The following CACNA2D3 variants were observed in gnomAD, a reference collection of about 807,000 sequenced individuals.
CACNA2D3 encodes the protein voltage-dependent calcium channel subunit alpha-2/delta-3.
A neutral mutation model predicts 160.6 loss-of-function variants in CACNA2D3; 60 were observed. The ratio of observed to expected loss-of-function variants is 0.37; its 90% CI spans 0.30 to 0.46. The LOEUF is 0.46. Among genes scored for constraint, CACNA2D3 ranks in the 20% least tolerant of loss-of-function variants. The pLI, the probability that CACNA2D3 is intolerant of heterozygous loss-of-function variation, is 1.00. For synonymous variants in CACNA2D3, 558 were observed against 492.9 expected (o/e 1.13, Z -1.75); for missense variants, 1,205 against 1,365.0 (o/e 0.88, Z 1.85).
intron 2 of CACNA2D3, among the ~76,000 whole-genome samples, chr3:54,265,661 A>G (rs13076858): frequency 0.13 from 8,841 of 68,368 alleles, 603 homozygotes; most frequent in African/African-American, 0.32. Flanking sequence ...TATATAGTGT[A>G]TATATATAGT....
intron 13 of CACNA2D3, among the ~76,000 whole-genome samples, chr3:54,802,085 G>A (rs1703003094): frequency 6.6e-6 from 1 of 152,104 alleles, no homozygotes; most frequent in South Asian, 2.1e-4. Context: ...CCCCCTGCAG[G>A]GTTATCTCTC....
At chr3:54,609,523 C>T (rs560096857) in intron 9 of CACNA2D3, among the ~76,000 whole-genome samples, 1 of 152,300 alleles carries the variant, frequency 6.6e-6, no homozygotes, top group East Asian at 1.9e-4. Context: ...TCATAGCATG[C>T]TTCTCCTTTT....
At chr3:54,842,127 A>G (rs1698832841) in intron 16 of CACNA2D3, among the ~76,000 whole-genome samples, 1 of 152,258 alleles carries the variant, frequency 6.6e-6, no homozygotes. Flanking sequence ...AATGTGTTGT[A>G]TTTTGAGATG....
In CACNA2D3 at chr3:54,918,560, A is replaced by G. The variant is rs1575371763; in HGVS notation, c.2449+18692A>G. ...TGGTACTGGGCTGTGATTGCCGCAT[A>G]GGTGCAGCCATAGATGGCAGCTGCC... On this transcript the variant is annotated intron_variant, in intron 27 of 37. Coordinates refer to ENST00000474759, the MANE Select transcript of CACNA2D3 (RefSeq NM_018398.3). 1.9e-6 allele frequency: 3 copies of G among 1,614,036 alleles called. No individual in the cohort carries two copies. The East Asian group carries it at 6.7e-5, about 36-fold the overall frequency.
chr3:54,944,782 C>T (rs1289941246), intron 27 of CACNA2D3, among the ~76,000 whole-genome samples: 1 of 151,810 alleles, frequency 6.6e-6, no homozygotes, highest in Non-Finnish European at 1.5e-5. Flanking sequence ...CTTCTTTTAT[C>T]TCTGAATATA....
chr3:54,702,968 A>T lies in CACNA2D3; in HGVS notation c.1168-49631A>T, dbSNP rs192500176. 2.3e-3 allele frequency among the ~76,000 whole-genome samples: 348 copies of T among 152,302 alleles called. 1 individual carries two copies. Among genetic ancestry groups the T allele is most frequent in the Admixed American group, 4.1e-3 (63 of 15,296 alleles). ...TGGAAGCCATTATCCTAAGCAAATT[A>T]ATATAGGAACAGAAAACCAAATCCT... is the stretch of plus-strand genomic sequence containing the variant. On this transcript the variant is annotated intron_variant, in intron 11 of 37. Coordinates refer to ENST00000474759, the MANE Select transcript of CACNA2D3 (RefSeq NM_018398.3).
chr3:54,502,631 T>C (rs1185300804), intron 4 of CACNA2D3, among the ~76,000 whole-genome samples: 1 of 152,214 alleles, frequency 6.6e-6, no homozygotes, highest in Admixed American at 6.5e-5. Context: ...ATACAGTAGA[T>C]TTAAGGACAG....
At chr3:54,709,664 C>T (rs1230381107) in intron 11 of CACNA2D3, among the ~76,000 whole-genome samples, 2 of 152,174 alleles carry the variant, frequency 1.3e-5, no homozygotes, top group African/African-American at 4.8e-5. Context: ...GTGGCTCACA[C>T]CTGTCATCAC....
At chr3:54,538,476 C>CA (rs1701922505) in intron 5 of CACNA2D3, among the ~76,000 whole-genome samples, 1 of 152,186 alleles carries the variant, frequency 6.6e-6, no homozygotes, top group South Asian at 2.1e-4. Flanking sequence ...TAAGAGAAGA[C>CA]AGAGAGCACC....
intron 9 of CACNA2D3, among the ~76,000 whole-genome samples, chr3:54,599,652 C>G (rs1703026962): frequency 6.6e-6 from 1 of 152,282 alleles, no homozygotes. Context: ...GGTGGTCTTT[C>G]ACATGCAGAT....
chr3:54,133,175 A>G (rs1232690465), intron 2 of CACNA2D3, among the ~76,000 whole-genome samples: 1 of 152,146 alleles, frequency 6.6e-6, no homozygotes, highest in African/African-American at 2.4e-5. Context: ...TAATAATAAT[A>G]ATGATGCAGG....
At chr3:54,613,809 C>T (rs997353730) in intron 9 of CACNA2D3, among the ~76,000 whole-genome samples, 2 of 152,282 alleles carry the variant, frequency 1.3e-5, no homozygotes, top group African/African-American at 4.8e-5. Context: ...TTTCCTCCTA[C>T]CCCGGAGCCT....
At chr3:55,041,719 T>G (rs1703964904) in intron 35 of CACNA2D3, among the ~76,000 whole-genome samples, 1 of 152,088 alleles carries the variant, frequency 6.6e-6, no homozygotes, top group African/African-American at 2.4e-5. Flanking sequence ...TGGGTTTATT[T>G]GCTTTTTTTC....
At chr3:54,485,143 C>A (rs1700996319) in intron 4 of CACNA2D3, among the ~76,000 whole-genome samples, 1 of 151,602 alleles carries the variant, frequency 6.6e-6, no homozygotes, top group Non-Finnish European at 1.5e-5. Context: ...CCGTGCCCAG[C>A]TCACCTAGGT....
chr3:54,921,067 C>T (rs552762523), intron 27 of CACNA2D3, among the ~76,000 whole-genome samples: 6 of 152,280 alleles, frequency 3.9e-5, no homozygotes, highest in South Asian at 4.1e-4. Flanking sequence ...ATGACCCCCT[C>T]GTCAAATCTG....
chr3:54,769,083 T>G (rs765857158), intron 13 of CACNA2D3, among the ~76,000 whole-genome samples: 42 of 152,168 alleles, frequency 2.8e-4, no homozygotes, highest in Non-Finnish European at 5.3e-4. Context: ...ACCTGGATTC[T>G]GCCAGGACAC....
intron 13 of CACNA2D3, among the ~76,000 whole-genome samples, chr3:54,797,519 G>A (rs1702890276): frequency 6.6e-6 from 1 of 152,188 alleles, no homozygotes; most frequent in Non-Finnish European, 1.5e-5. Flanking sequence ...TAAAGTTGTG[G>A]AAGATACGAC....
chr3:54,595,325 T>TGG (rs1702934245), intron 9 of CACNA2D3, among the ~76,000 whole-genome samples: 2 of 102,132 alleles, frequency 2.0e-5, no homozygotes, highest in African/African-American at 4.4e-5. Flanking sequence ...TGTGTGTGTG[T>TGG]GTGTGTGTGT....
intron 13 of CACNA2D3, among the ~76,000 whole-genome samples, chr3:54,815,596 A>T (rs552053571): frequency 6.6e-6 from 1 of 152,340 alleles, no homozygotes; most frequent in South Asian, 2.1e-4. Context: ...CTACTGTCAC[A>T]ATTCCCAAGT....
Sources: allele counts gnomAD v4.1 joint callset (sites outside exome capture counted in the v4.1 genomes callset), GRCh38; gene constraint gnomAD v4.1.1; transcripts MANE v1.5; gene names NCBI Gene and HGNC (gene_info 2026-07-23, HGNC 2026-07-21).